TBXAS1: variants seen among roughly 807,000 people sequenced by gnomAD.
TBXAS1 encodes the protein thromboxane A synthase 1.
A neutral mutation model predicts 60.7 loss-of-function variants in TBXAS1; 48 were observed. The ratio of observed to expected loss-of-function variants is 0.79; its 90% CI spans 0.63 to 1.01. The LOEUF (loss-of-function observed/expected upper bound fraction) is 1.01, where lower values mean the gene tolerates loss of function less well. Among genes scored for constraint, TBXAS1 ranks in the 50% least tolerant of loss-of-function variants. The pLI is 0.00. For synonymous variants in TBXAS1, 287 were observed against 269.7 expected, an observed-to-expected ratio of 1.06 and a Z score of -0.63; for missense variants, 685 against 686.3, an observed-to-expected ratio of 1.00 and a Z score of 0.02.
chr7:139,816,223 T>A (rs1798144435), intron 4 of TBXAS1, among the ~76,000 whole-genome samples: 2 of 152,162 alleles, frequency 1.3e-5, no homozygotes, highest in South Asian at 4.1e-4. Context: ...AACTGTGAAT[T>A]AATTGAATTG....
intron 3 of TBXAS1, among the ~76,000 whole-genome samples, chr7:139,908,258 T>G (rs1048923189): frequency 1.3e-5 from 2 of 152,088 alleles, no homozygotes; most frequent in Admixed American, 6.5e-5. Context: ...TCATTTAAGA[T>G]CTTTCCTCTT....
At chr7:139,964,601 TTAAGGGCTTTGAAGCATC>T (rs1569520424) in intron 9 of TBXAS1, among the ~76,000 whole-genome samples, 1 of 152,088 alleles carries the variant, frequency 6.6e-6, no homozygotes, top group Non-Finnish European at 1.5e-5. Context: ...TCACACCAAA[TTAAGGGCTTTGAAGCATC>T]TAATGAGTGT....
chr7:139,834,691 C>G (rs1309634688), intron 1 of TBXAS1, among the ~76,000 whole-genome samples: 3 of 152,134 alleles, frequency 2.0e-5, no homozygotes, highest in African/African-American at 7.2e-5. Flanking sequence ...ACTATGAACA[C>G]CTTTACGCAC....
rs577761921 is a variant in TBXAS1 at position 140,001,124 on chromosome 7, G to T, written c.1135-5967G>T. Among the ~76,000 whole-genome samples, 3 of 152,250 alleles carry T rather than the reference G, an allele frequency of 2.0e-5. No homozygotes were observed. In the East Asian group the frequency reaches 5.8e-4, roughly 29 times the overall value. ...CCAAGGTCAAGGGGAGGCGCTGCAG[G>T]GGGGGCTTCCTCATTGGGTGTGGAC... On this transcript the variant is annotated intron_variant, in intron 9 of 12. Transcript: ENST00000448866.
intron 4 of TBXAS1, among the ~76,000 whole-genome samples, chr7:139,807,444 C>T (rs538208500): frequency 1.3e-4 from 19 of 151,828 alleles, no homozygotes; most frequent in African/African-American, 3.9e-4. Flanking sequence ...AGTGTAGTGG[C>T]GCAATCTCGG....
chr7:139,845,920 G>A (rs752811451), intron 1 of TBXAS1, among the ~76,000 whole-genome samples: 1 of 150,590 alleles, frequency 6.6e-6, no homozygotes, highest in African/African-American at 2.4e-5. Context: ...ACCTCCCCAG[G>A]CTCGGGGAAT....
chr7:139,880,105 A>G (rs1436142453), intron 3 of TBXAS1, among the ~76,000 whole-genome samples: 1 of 151,800 alleles, frequency 6.6e-6, no homozygotes, highest in Non-Finnish European at 1.5e-5. Flanking sequence ...GCTGGTCTCA[A>G]CTCCTGACCT....
At chr7:139,958,624 C>T (rs1242541346) in intron 8 of TBXAS1, among the ~76,000 whole-genome samples, 1 of 152,218 alleles carries the variant, frequency 6.6e-6, no homozygotes, top group Non-Finnish European at 1.5e-5. Context: ...ATTGTTAAGG[C>T]ACTGGCCTGA....
chr7:139,843,271 T>C (rs1413021070), intron 1 of TBXAS1, among the ~76,000 whole-genome samples: 2 of 152,222 alleles, frequency 1.3e-5, no homozygotes, highest in African/African-American at 4.8e-5. Context: ...CCCTGCCTCC[T>C]GTGGACTTGC....
chr7:139,905,003 C>CTT (rs1315865147), intron 3 of TBXAS1, among the ~76,000 whole-genome samples: 2,517 of 87,298 alleles, frequency 0.029, 34 homozygotes, highest in Middle Eastern at 0.051. Flanking sequence ...TTCTCTCTTT[C>CTT]TCTCTTTCTT....
intron 4 of TBXAS1, among the ~76,000 whole-genome samples, chr7:139,790,135 A>C (rs1164659266): frequency 6.6e-6 from 1 of 152,088 alleles, no homozygotes; most frequent in Non-Finnish European, 1.5e-5. Flanking sequence ...TCCCTTTATC[A>C]CACGTACCTG....
At chr7:139,985,574 A>G (rs1469911607) in intron 9 of TBXAS1, among the ~76,000 whole-genome samples, 1 of 152,244 alleles carries the variant, frequency 6.6e-6, no homozygotes, top group Non-Finnish European at 1.5e-5. Flanking sequence ...TGGATGAAAA[A>G]GCTACTTCCT....
Position 139,916,550 on chromosome 7 carries a change from T to C in TBXAS1, c.333+5229T>C, listed in dbSNP as rs1805989799. Reference sequence around the variant, plus strand: ...CCCGAACCATCAATACCCGGCACCCTGGCTGCCCCAGGTTCAGCCTCTCAG... The same window carrying C: ...CCCGAACCATCAATACCCGGCACCCCGGCTGCCCCAGGTTCAGCCTCTCAG... On this transcript the variant is annotated intron_variant, in intron 4 of 12. Transcript: ENST00000448866. This position sits in a 1 kb window ranked among gnomAD's most constrained non-coding sequence, Gnocchi z 4.2. 6.6e-6 allele frequency among the ~76,000 whole-genome samples: 1 copy of C among 152,214 alleles called. No individual in the cohort carries two copies. Among genetic ancestry groups the C allele is most frequent in the Non-Finnish European group, 1.5e-5 (1 of 68,028 alleles).
At chr7:139,982,603 A>C (rs1340359295) in intron 9 of TBXAS1, among the ~76,000 whole-genome samples, 1 of 152,210 alleles carries the variant, frequency 6.6e-6, no homozygotes, top group Non-Finnish European at 1.5e-5. Flanking sequence ...AAATGGAACA[A>C]AAAGTTTTAG....
chr7:139,923,357 C>G (rs1172969282), intron 4 of TBXAS1, among the ~76,000 whole-genome samples: 2 of 151,932 alleles, frequency 1.3e-5, no homozygotes, highest in African/African-American at 4.8e-5. Context: ...GAGAGAGAAA[C>G]AGAGAGAGAT....
chr7:139,907,289 A>G (rs1185926540), intron 3 of TBXAS1, among the ~76,000 whole-genome samples: 1 of 152,104 alleles, frequency 6.6e-6, no homozygotes, highest in Admixed American at 6.5e-5. Context: ...TAATCACATA[A>G]TTTTTTATTT....
At position 139,802,290 on chromosome 7, in the gene TBXAS1, C is replaced by T. The variant is rs117460143; in HGVS notation, c.-80+14864C>T. Among the ~76,000 whole-genome samples, 10 of 152,192 alleles carry T rather than the reference C, an allele frequency of 6.6e-5. No individual in the cohort carries two copies. In the East Asian group the frequency reaches 1.5e-3, roughly 24 times the overall value. On this transcript the variant is annotated intron_variant, in intron 4 of 16. Coordinates refer to the TBXAS1 transcript ENST00000336425. ...TGAGTGCTACGTGTATCCATTTTCT[C>T]GTTACAGAATAGTTGCATAGGTTAC...
rs1808236632 is a variant in TBXAS1, at chr7:139,940,900, AT to A, written c.450+4594del. Reference sequence around the variant, plus strand: ...TACATGATGAAACTAAGCTAAAAAAATGAAAGGGAAATAATTCTATCAAGAA... The same window carrying A: ...TACATGATGAAACTAAGCTAAAAAAAGAAAGGGAAATAATTCTATCAAGAA... On this transcript the variant is annotated intron_variant, in intron 5 of 12. Transcript: ENST00000448866. 3.9e-5 allele frequency among the ~76,000 whole-genome samples: 6 copies of A among 152,350 alleles called. No individual in the cohort carries two copies. In the East Asian group the frequency reaches 1.2e-3, roughly 29 times the overall value.
chr7:139,883,921 C>A (rs1256904774), intron 3 of TBXAS1, among the ~76,000 whole-genome samples: 2 of 152,156 alleles, frequency 1.3e-5, no homozygotes, highest in East Asian at 1.9e-4. Context: ...TTGGTCACAG[C>A]CCATTAAATT....
Sources: gnomAD v4.1 joint callset for allele counts (sites outside exome capture counted in the v4.1 genomes callset) on GRCh38, gnomAD v4.1.1 for gene constraint, Gnocchi (gnomAD v3.1) non-coding constraint, MANE v1.5 for transcripts, NCBI Gene and HGNC (gene_info 2026-07-23, HGNC 2026-07-21) for gene names.